Variants in CCN4 observed in about 807,000 individuals in gnomAD.
CCN4 encodes cellular communication network factor 4.
Under a neutral mutation model 36.7 loss-of-function variants are expected in CCN4, and 30 were observed. The ratio of observed to expected loss-of-function variants is 0.82; its 90% CI spans 0.61 to 1.11. The LOEUF (loss-of-function observed/expected upper bound fraction) is 1.11, where lower values mean the gene tolerates loss of function less well. CCN4 is among the 50% of genes least tolerant of loss of function. The pLI, the probability that CCN4 is intolerant of heterozygous loss-of-function variation, is 0.00. For missense variants in CCN4, 505 were observed against 504.9 expected, an observed-to-expected ratio of 1.00 and a Z score of 0.00; for synonymous variants, 191 against 195.4, an observed-to-expected ratio of 0.98 and a Z score of 0.19.
intron 1 of CCN4, among the ~76,000 whole-genome samples, chr8:133,209,157 C>T (rs1398718206): frequency 1.3e-5 from 2 of 152,172 alleles, no homozygotes; most frequent in Non-Finnish European, 1.5e-5. Flanking sequence ...GGGCGGAAAC[C>T]GCCCTTGCGC....
At chr8:133,208,627 A>C (rs182857336) in intron 1 of CCN4, among the ~76,000 whole-genome samples, 37 of 152,192 alleles carry the variant, frequency 2.4e-4, no homozygotes, top group African/African-American at 8.7e-4. Flanking sequence ...AGGCCCTGGC[A>C]CATGTTGCCA....
At chr8:133,206,231 C>T (rs1853766520) in intron 1 of CCN4, among the ~76,000 whole-genome samples, 1 of 152,168 alleles carries the variant, frequency 6.6e-6, no homozygotes, top group Admixed American at 6.5e-5. Flanking sequence ...GGCCCCAGAC[C>T]AACCACTCAA....
intron 3 of CCN4, among the ~76,000 whole-genome samples, chr8:133,225,085 G>T (rs1198784414): frequency 6.6e-6 from 1 of 152,182 alleles, no homozygotes; most frequent in African/African-American, 2.4e-5. Flanking sequence ...GGTTATCTAA[G>T]ATCACACAGC....
rs1194894975 is a variant in CCN4 at position 133,229,037 on chromosome 8, T to G, written c.*1327T>G. 6.6e-6 allele frequency: 1 copy of G among 152,240 alleles called. No homozygotes were observed. The highest frequency in any genetic ancestry group is 1.5e-5 in the Non-Finnish European group (1 of 68,042). 9.4% of individuals were successfully genotyped at this position (152,240 alleles called of 1,614,324 possible). A position where few individuals can be genotyped will look rare whatever the true frequency, so the allele number is the denominator to read the frequency against. The stretch of plus-strand genomic sequence containing the variant: ...AATATTTACTGTTAGAATTCTTTTA[T>G]TTAGGGCCTTTTCTGTGCCAGACAT... On this transcript the variant is annotated 3_prime_UTR_variant, in exon 5 of 5. Coordinates refer to ENST00000250160, the MANE Select transcript of CCN4 (RefSeq NM_003882.4).
At chr8:133,225,949 G>A (rs1266324676) in intron 4 of CCN4, among the ~76,000 whole-genome samples, 1 of 152,124 alleles carries the variant, frequency 6.6e-6, no homozygotes, top group African/African-American at 2.4e-5. Context: ...GATATAGAGA[G>A]CACTAAATGA....
At chr8:133,202,104 T>TC (rs1367294355) in intron 1 of CCN4, among the ~76,000 whole-genome samples, 1 of 152,198 alleles carries the variant, frequency 6.6e-6, no homozygotes, top group Non-Finnish European at 1.5e-5. Flanking sequence ...CAGCATTCTT[T>TC]CCCCTGCTCA....
rs1854825238 is a variant in CCN4 at position 133,228,390 on chromosome 8, T to C, written c.*680T>C. 1 of 152,220 alleles carries C rather than the reference T, an allele frequency of 6.6e-6. No individual in the cohort carries two copies. The highest frequency in any genetic ancestry group is 1.5e-5 in the Non-Finnish European group (1 of 68,042). The allele number at this position is 152,220 out of a possible 1,614,324, so 9.4% of individuals were successfully genotyped here. A position where few individuals can be genotyped will look rare whatever the true frequency, so the allele number is the denominator to read the frequency against. ...TGTCCCAGTCAGAAATAAAATTTGATAAACATTCCTGTTGATGGGAAAAGC... is the reference window on the plus strand; with the variant it reads ...TGTCCCAGTCAGAAATAAAATTTGACAAACATTCCTGTTGATGGGAAAAGC... On this transcript the variant is annotated 3_prime_UTR_variant, in exon 5 of 5. Transcript: ENST00000250160.
chr8:133,219,251 G>A (rs956694737), intron 2 of CCN4, among the ~76,000 whole-genome samples: 2 of 151,956 alleles, frequency 1.3e-5, no homozygotes, highest in Non-Finnish European at 2.9e-5. Flanking sequence ...AAGCCTTCTC[G>A]GACCTCCTCT....
At chr8:133,197,133 T>A (rs536417146) in intron 1 of CCN4, among the ~76,000 whole-genome samples, 1 of 152,034 alleles carries the variant, frequency 6.6e-6, no homozygotes, top group Non-Finnish European at 1.5e-5. Flanking sequence ...AGGTGAGATG[T>A]GTATCTTACT....
At chr8:133,221,149 G>A (rs1326997372) in intron 3 of CCN4, among the ~76,000 whole-genome samples, 2 of 152,234 alleles carry the variant, frequency 1.3e-5, no homozygotes, top group East Asian at 3.8e-4. Flanking sequence ...GGTGGAAGAA[G>A]GGTAGGTATG....
chr8:133,209,516 T>G (rs77671360), intron 1 of CCN4, among the ~76,000 whole-genome samples: 1 of 152,204 alleles, frequency 6.6e-6, no homozygotes, highest in African/African-American at 2.4e-5. Context: ...ATGCCATAAA[T>G]GGTTCCCCTG....
intron 2 of CCN4, among the ~76,000 whole-genome samples, chr8:133,217,696 G>T (rs1170796190): frequency 6.6e-6 from 1 of 152,062 alleles, no homozygotes; most frequent in African/African-American, 2.4e-5. Flanking sequence ...TTCACCTGGG[G>T]AACTTTTAAA....
intron 2 of CCN4, among the ~76,000 whole-genome samples, chr8:133,214,339 A>G (rs1854234139): frequency 6.6e-6 from 1 of 151,634 alleles, no homozygotes; most frequent in Non-Finnish European, 1.5e-5. Context: ...TTATACAATC[A>G]TCAGTACTTA....
Position 133,227,763 on chromosome 8 carries a change from A to G in CCN4, c.*53A>G, listed in dbSNP as rs1049762789. 13 of 1,567,316 alleles carry G rather than the reference A, an allele frequency of 8.3e-6. No individual in the cohort carries two copies. In the Admixed American group the frequency reaches 1.4e-4, roughly 17 times the overall value. Reference sequence around the variant, plus strand: ...CTAACCCAATGCCTGTGAAGCAGTCAGCCCTTATGGCCAATAACTTTTCAC... The same window carrying G: ...CTAACCCAATGCCTGTGAAGCAGTCGGCCCTTATGGCCAATAACTTTTCAC... On this transcript the variant is annotated 3_prime_UTR_variant, in exon 5 of 5. Coordinates refer to ENST00000250160, the MANE Select transcript of CCN4 (RefSeq NM_003882.4).
At chr8:133,201,365 G>A (rs543266479) in intron 1 of CCN4, among the ~76,000 whole-genome samples, 2 of 152,286 alleles carry the variant, frequency 1.3e-5, no homozygotes, top group South Asian at 4.1e-4. Context: ...TTATTTGGGA[G>A]AGTGCAATCT....
At chr8:133,208,828 A>C (rs571064915) in intron 1 of CCN4, among the ~76,000 whole-genome samples, 1 of 152,236 alleles carries the variant, frequency 6.6e-6, no homozygotes, top group African/African-American at 2.4e-5. Flanking sequence ...CTTGGCTCTC[A>C]CACTGCATCC....
intron 2 of CCN4, among the ~76,000 whole-genome samples, chr8:133,216,944 A>G (rs926336683): frequency 2.0e-5 from 3 of 152,254 alleles, no homozygotes; most frequent in Non-Finnish European, 2.9e-5. Context: ...AGGAGGGAGC[A>G]GGTCTAGCTC....
chr8:133,192,832 G>A (rs1378068243), intron 1 of CCN4, among the ~76,000 whole-genome samples: 2 of 152,228 alleles, frequency 1.3e-5, no homozygotes, highest in African/African-American at 4.8e-5. Context: ...AACAGCCGGT[G>A]CTGAGGAGGA....
intron 1 of CCN4, among the ~76,000 whole-genome samples, chr8:133,195,077 T>C (rs1460614211): frequency 7.0e-6 from 1 of 143,788 alleles, no homozygotes; most frequent in Non-Finnish European, 1.5e-5. Flanking sequence ...ATGTATGTAG[T>C]GTGCTTGTGT....
Sources: gnomAD v4.1 joint callset for allele counts (sites outside exome capture counted in the v4.1 genomes callset) on GRCh38, gnomAD v4.1.1 for gene constraint, MANE v1.5 for transcripts, NCBI Gene and HGNC (gene_info 2026-07-23, HGNC 2026-07-21) for gene names.